The following FOXN3 variants were observed in gnomAD, a reference collection of about 807,000 sequenced individuals.
FOXN3 encodes the protein forkhead box N3.
A neutral mutation model predicts 38.4 loss-of-function variants in FOXN3; 7 were observed. The ratio of observed to expected loss-of-function variants is 0.18; its 90% CI spans 0.10 to 0.34. The LOEUF (loss-of-function observed/expected upper bound fraction) is 0.34. Ranked by LOEUF, FOXN3 falls within the 10% of genes least tolerant of loss-of-function variation. FOXN3 has a pLI of 1.00. For missense variants in FOXN3, 456 were observed against 613.4 expected, an observed-to-expected ratio of 0.74 and a Z score of 2.71; for synonymous variants, 230 against 242.2, an observed-to-expected ratio of 0.95 and a Z score of 0.47.
intron 1 of FOXN3, among the ~76,000 whole-genome samples, chr14:89,564,691 G>A (rs1012949732): frequency 3.9e-5 from 6 of 152,054 alleles, no homozygotes; most frequent in African/African-American, 1.4e-4. Context: ...CTTAACTCTC[G>A]GAACCTCAGA....
At chr14:89,322,383 T>TG in intron 3 of FOXN3, among the ~76,000 whole-genome samples, 1 of 152,118 alleles carries the variant, frequency 6.6e-6, no homozygotes, top group Non-Finnish European at 1.5e-5. Context: ...AAGGTAAAGT[T>TG]GGGGGCATGA....
intron 1 of FOXN3, among the ~76,000 whole-genome samples, chr14:89,592,188 G>T (rs1180479038): frequency 6.6e-6 from 1 of 152,092 alleles, no homozygotes; most frequent in Non-Finnish European, 1.5e-5. Context: ...ACAAAAAGAT[G>T]ATTAAGAAAA....
At chr14:89,604,233 ACACACACGTGCGCG>A (rs1447212423) in intron 1 of FOXN3, among the ~76,000 whole-genome samples, 2 of 146,892 alleles carry the variant, frequency 1.4e-5, no homozygotes, top group Non-Finnish European at 3.0e-5. Context: ...ACACACACAC[ACACACACGTGCGCG>A]CACACACACG....
At chr14:89,298,567 GACAA>G (rs1887118936) in intron 3 of FOXN3, among the ~76,000 whole-genome samples, 1 of 151,092 alleles carries the variant, frequency 6.6e-6, no homozygotes, top group Non-Finnish European at 1.5e-5. Context: ...ACGACAGACA[GACAA>G]ACAGACATTT....
intron 4 of FOXN3, among the ~76,000 whole-genome samples, chr14:89,211,487 G>A (rs1471244658): frequency 6.6e-6 from 1 of 152,220 alleles, no homozygotes; most frequent in Non-Finnish European, 1.5e-5. Context: ...GTTTCTGGAG[G>A]AGCAAAGAGT....
At chr14:89,432,362 G>A (rs886734303) in intron 1 of FOXN3, among the ~76,000 whole-genome samples, 1 of 152,164 alleles carries the variant, frequency 6.6e-6, no homozygotes, top group Non-Finnish European at 1.5e-5. Context: ...GGACATTCAA[G>A]GCGCTTGAAC....
chr14:89,511,260 TTTCTTTC>T lies in FOXN3; in HGVS notation c.-14-98777_-14-98771del, dbSNP rs1566681353. On this transcript the variant is annotated intron_variant, in intron 1 of 6. Coordinates refer to the FOXN3 transcript ENST00000345097. ...TCCTTTTCTTTCTTTTCTTTCTTTCTTTCTTTCTTTCTTTCTTTCTTTCTTTCTTTCT... is the reference window on the plus strand; with the variant it reads ...TCCTTTTCTTTCTTTTCTTTCTTTCTTTTCTTTCTTTCTTTCTTTCTTTCT... 1.6e-3 allele frequency among the ~76,000 whole-genome samples: 36 copies of T among 22,704 alleles called. 6 individuals are homozygous for T. The highest frequency in any genetic ancestry group is 3.9e-3 in the African/African-American group (36 of 9,308). The allele number at this position is 22,704 out of a possible 152,430, so 14.9% of individuals were successfully genotyped here.
intron 1 of FOXN3, among the ~76,000 whole-genome samples, chr14:89,470,392 G>A (rs996398345): frequency 1.3e-5 from 2 of 151,686 alleles, no homozygotes; most frequent in South Asian, 2.1e-4. Context: ...AGAATCATAA[G>A]AGCCTGTTCT....
chr14:89,202,516 G>C (rs1050265782), intron 4 of FOXN3, among the ~76,000 whole-genome samples: 4 of 152,192 alleles, frequency 2.6e-5, no homozygotes, highest in Non-Finnish European at 4.4e-5. Flanking sequence ...TAATGTGCTC[G>C]ACCTCTCTAA....
chr14:89,335,093 A>T (rs1321575086), intron 3 of FOXN3, among the ~76,000 whole-genome samples: 1 of 42,344 alleles, frequency 2.4e-5, no homozygotes, highest in Non-Finnish European at 8.3e-5. Flanking sequence ...ACACACACAC[A>T]CACACACACA....
chr14:89,378,318 G>A (rs1890544009), intron 2 of FOXN3, among the ~76,000 whole-genome samples: 1 of 152,148 alleles, frequency 6.6e-6, no homozygotes, highest in Non-Finnish European at 1.5e-5. Context: ...ACCATCAGCT[G>A]GGGAATACCC....
At chr14:89,238,578 A>C (rs1411608701) in intron 4 of FOXN3, among the ~76,000 whole-genome samples, 1 of 152,236 alleles carries the variant, frequency 6.6e-6, no homozygotes, top group Non-Finnish European at 1.5e-5. Flanking sequence ...ACAGTGGCTT[A>C]AGGGGTCACT....
chr14:89,247,723 CAG>C (rs1361643474), intron 4 of FOXN3, among the ~76,000 whole-genome samples: 3 of 152,226 alleles, frequency 2.0e-5, no homozygotes, highest in Non-Finnish European at 4.4e-5. Context: ...CTCCACCCTG[CAG>C]AGTCATCTTT....
At chr14:89,368,931 A>G (rs4899984) in intron 2 of FOXN3, among the ~76,000 whole-genome samples, 149,775 of 152,250 alleles carry the variant, frequency 0.98, 73,717 homozygotes, top group Middle Eastern at 1. Flanking sequence ...TTGATTAGGA[A>G]GCATAGGGGA....
At chr14:89,497,210 C>T (rs1893704097) in intron 1 of FOXN3, among the ~76,000 whole-genome samples, 1 of 152,036 alleles carries the variant, frequency 6.6e-6, no homozygotes. Context: ...CCTGCCTCAG[C>T]TCCCGAAGTG....
At chr14:89,210,615 A>G (rs908666293) in intron 4 of FOXN3, among the ~76,000 whole-genome samples, 19 of 152,252 alleles carry the variant, frequency 1.2e-4, no homozygotes, top group Admixed American at 6.5e-5. Context: ...TGTCATTTGC[A>G]GCATTAATTA....
intron 4 of FOXN3, among the ~76,000 whole-genome samples, chr14:89,229,432 TC>T (rs1489602414): frequency 1.3e-5 from 2 of 152,184 alleles, no homozygotes; most frequent in African/African-American, 4.8e-5. Context: ...CACTCTTCTA[TC>T]TTGGTGGCTG....
intron 3 of FOXN3, among the ~76,000 whole-genome samples, chr14:89,346,989 C>G (rs1888776812): frequency 6.6e-6 from 1 of 152,122 alleles, no homozygotes; most frequent in Non-Finnish European, 1.5e-5. Context: ...TCAGGCGAAT[C>G]CCTTTGACAC....
chr14:89,328,765 T>A (rs1888152083), intron 3 of FOXN3, among the ~76,000 whole-genome samples: 1 of 152,234 alleles, frequency 6.6e-6, no homozygotes, highest in Non-Finnish European at 1.5e-5. Flanking sequence ...AACAGGTAAT[T>A]ACATCACAGA....
Sources: gnomAD v4.1 joint callset for allele counts (sites outside exome capture counted in the v4.1 genomes callset) on GRCh38, gnomAD v4.1.1 for gene constraint, MANE v1.5 for transcripts, NCBI Gene and HGNC (gene_info 2026-07-23, HGNC 2026-07-21) for gene names.